Variants in GON4L observed in about 807,000 individuals in gnomAD.
GON4L encodes the protein GON-4-like protein.
Under a neutral mutation model 211.8 loss-of-function variants are expected in GON4L, and 87 were observed. The observed-to-expected ratio is 0.41, with a 90% CI of 0.35 to 0.49. The LOEUF is 0.49. Ranked by LOEUF, GON4L falls within the 20% of genes least tolerant of loss-of-function variation. GON4L has a pLI of 0.15. For missense variants in GON4L, 2,155 were observed against 2,659.5 expected (o/e 0.81, Z 4.17); for synonymous variants, 875 against 962.6 (o/e 0.91, Z 1.68).
chr1:155,771,319 T>C (rs961345658), intron 18 of GON4L, 102 bp from the exon 19 acceptor site: 2 of 1,517,932 alleles, frequency 1.3e-6, no homozygotes, highest in African/African-American at 2.8e-5. Context: ...ATTTTTTTCT[T>C]GAGACAAGGT....
At chr1:155,774,307 A>ATT (rs59844793) in intron 17 of GON4L, among the ~76,000 whole-genome samples, 1 of 107,412 alleles carries the variant, frequency 9.3e-6, no homozygotes, top group African/African-American at 3.2e-5. Context: ...AAGTTAGTTG[A>ATT]TTTTTTTTTT....
chr1:155,828,633 C>T (rs936860846), intron 2 of GON4L, among the ~76,000 whole-genome samples: 9 of 149,172 alleles, frequency 6.0e-5, no homozygotes, highest in Admixed American at 3.4e-4. Context: ...ACGGCAAAAC[C>T]CCGTCTCTAC....
At chr1:155,791,873 A>ATAACG (rs1665606278) in intron 12 of GON4L, among the ~76,000 whole-genome samples, 1 of 69,856 alleles carries the variant, frequency 1.4e-5, no homozygotes, top group Non-Finnish European at 2.9e-5. Context: ...CATCTCAAAA[A>ATAACG]TAACATAACA....
In GON4L at chr1:155,752,501, G is replaced by A. The variant is rs1214140148; in HGVS notation, c.5932C>T (p.Pro1978Ser). The change falls in exon 30 of 32, where the codon CCA becomes TCA. Residue 1978 changes from proline to serine, a missense_variant. Around this residue, in one of 6 missense-constraint regions of GON4L, gnomAD observed 455 missense variants for 504.6 expected, o/e 0.90. Coordinates refer to ENST00000368331, the MANE Select transcript of GON4L (RefSeq NM_001282860.2). Reference sequence around the variant, plus strand: ...GTGGGGGGAAATTGAGGAGTCTCTGGTGAATGAGGTGGTGGGCCATCCAGG... The same window carrying A: ...GTGGGGGGAAATTGAGGAGTCTCTGATGAATGAGGTGGTGGGCCATCCAGG... ...LLLDGPPPHSPETPQFPPTTG... is the reference protein window; with the variant it reads ...LLLDGPPPHSSETPQFPPTTG... 1 of 1,588,926 alleles carries A rather than the reference G, an allele frequency of 6.3e-7. No individual in the cohort carries two copies. Among genetic ancestry groups the A allele is most frequent in the East Asian group, 2.3e-5 (1 of 43,754 alleles).
At chr1:155,745,479 A>G (rs1470911481), downstream of GON4L, among the ~76,000 whole-genome samples, 1 of 152,322 alleles carries the variant, frequency 6.6e-6, no homozygotes, top group Admixed American at 6.5e-5. Flanking sequence ...AGAGATCTGT[A>G]AGAAGAGATA....
intron 12 of GON4L, among the ~76,000 whole-genome samples, chr1:155,786,398 C>T (rs370034306): frequency 2.0e-5 from 3 of 151,714 alleles, no homozygotes; most frequent in East Asian, 3.9e-4. Context: ...GGCTTGGTGA[C>T]GCACACCTGC....
chr1:155,748,194 G>A (rs1392420271), downstream of GON4L: 2 of 1,461,630 alleles, frequency 1.4e-6, no homozygotes, highest in Non-Finnish European at 1.9e-6. Context: ...CCAGTCAGTC[G>A]CTGTCTGTAC....
intron 6 of GON4L, among the ~76,000 whole-genome samples, chr1:155,819,313 G>A (rs938970243): frequency 2.0e-5 from 3 of 151,044 alleles, no homozygotes; most frequent in Non-Finnish European, 4.4e-5. Flanking sequence ...TAAAAAGGGG[G>A]GGAGAAATTG....
chr1:155,753,156 G>A (rs749114388), intron 29 of GON4L, 48 bp downstream of exon 29: 1 of 1,408,778 alleles, frequency 7.1e-7, no homozygotes, highest in Non-Finnish European at 1.0e-6. Flanking sequence ...CTGGAGTACA[G>A]GATAACGAGA....
intron 6 of GON4L, among the ~76,000 whole-genome samples, chr1:155,819,515 C>G (rs1668556078): frequency 6.6e-6 from 1 of 151,956 alleles, no homozygotes; most frequent in Non-Finnish European, 1.5e-5. Flanking sequence ...CTCCACCTCC[C>G]AAAGTGCTGG....
intron 27 of GON4L, among the ~76,000 whole-genome samples, chr1:155,756,347 A>G (rs1661177338): frequency 6.6e-6 from 1 of 152,198 alleles, no homozygotes; most frequent in Non-Finnish European, 1.5e-5. Context: ...GCAAAAATGA[A>G]AAAAGTTGAA....
downstream of GON4L, chr1:155,745,744 A>C (rs995493376): frequency 5.7e-6 from 6 of 1,052,448 alleles, no homozygotes; most frequent in African/African-American, 1.6e-5. Flanking sequence ...CCAGTATAAC[A>C]CCCGCCCACG....
At chr1:155,785,282 G>T in intron 13 of GON4L, 52 bp downstream of exon 13, 2 of 1,148,212 alleles carry the variant, frequency 1.7e-6, no homozygotes, top group Non-Finnish European at 2.7e-6. Flanking sequence ...GACACATCTT[G>T]CTGGAGAACT....
chr1:155,855,901 G>A (rs1395665064), intron 1 of GON4L, among the ~76,000 whole-genome samples: 1 of 141,166 alleles, frequency 7.1e-6, no homozygotes, highest in Admixed American at 7.8e-5. Context: ...AGAATCGCTT[G>A]AACCCGGGAG....
chr1:155,800,974 C>G (rs1666600245), intron 11 of GON4L, among the ~76,000 whole-genome samples: 1 of 151,362 alleles, frequency 6.6e-6, no homozygotes, highest in South Asian at 2.1e-4. Context: ...TAACTTTGAG[C>G]AAGACAATGA....
At chr1:155,747,906 A>G, downstream of GON4L, 1 of 1,564,546 alleles carries the variant, frequency 6.4e-7, no homozygotes, top group Non-Finnish European at 8.7e-7. Flanking sequence ...GGTGAGTGGA[A>G]CTTGGAGGAG....
intron 5 of GON4L, 49 bp from the exon 6 acceptor site, chr1:155,820,705 A>C: frequency 1.0e-5 from 14 of 1,374,290 alleles, no homozygotes; most frequent in African/African-American, 4.3e-5. Flanking sequence ...ATCACAGCTC[A>C]GTGAGGTGGC....
intron 3 of GON4L, among the ~76,000 whole-genome samples, chr1:155,824,435 A>C (rs1292937861): frequency 1.8e-5 from 2 of 109,690 alleles, no homozygotes; most frequent in Non-Finnish European, 3.6e-5. Flanking sequence ...ACTCCACATC[A>C]AAAAAAAAAA....
At chr1:155,770,757 G>A (rs56758819) in intron 19 of GON4L, among the ~76,000 whole-genome samples, 9,998 of 152,202 alleles carry the variant, frequency 0.066, 408 homozygotes, top group African/African-American at 0.11. Flanking sequence ...GCTGAGGCAG[G>A]AGACACCGAG....
Sources: allele counts gnomAD v4.1 joint callset (sites outside exome capture counted in the v4.1 genomes callset), GRCh38; gene constraint gnomAD v4.1.1; regional missense constraint gnomAD v4.1.1; transcripts MANE v1.5; gene names NCBI Gene and HGNC (gene_info 2026-07-23, HGNC 2026-07-21).